TACC2: variants seen among roughly 807,000 people sequenced by gnomAD.
The protein encoded by TACC2 is transforming acidic coiled-coil-containing protein 2.
In TACC2, 137 loss-of-function variants were observed where a neutral mutation model predicts 227.3. That is an observed-to-expected ratio of 0.60 (90% CI 0.52 to 0.69). The LOEUF is 0.69. Ranked by LOEUF, TACC2 falls within the 30% of genes least tolerant of loss-of-function variation. The probability of loss-of-function intolerance (pLI) is 0.00; values close to 1 mark genes in which losing one functional copy is unlikely to be tolerated. For missense variants in TACC2, 3,470 were observed against 3,694.4 expected (o/e 0.94, Z 1.57); for synonymous variants, 1,523 against 1,487.5 (o/e 1.02, Z -0.55).
intron 11 of TACC2, among the ~76,000 whole-genome samples, chr10:122,218,872 A>G (rs1005346091): frequency 6.6e-6 from 1 of 151,922 alleles, no homozygotes; most frequent in East Asian, 1.9e-4. Context: ...AGTACAAAAA[A>G]TTATCTGGGC....
intron 1 of TACC2, chr10:121,994,565 TA>T: frequency 6.6e-6 from 1 of 152,258 alleles, no homozygotes; most frequent in Non-Finnish European, 1.5e-5. Flanking sequence ...TTCCCAACCT[TA>T]AGCCAATGCA....
chr10:122,075,044 C>T (rs1298258341), intron 3 of TACC2, among the ~76,000 whole-genome samples: 2 of 152,062 alleles, frequency 1.3e-5, no homozygotes, highest in African/African-American at 4.8e-5. Flanking sequence ...TTAATCGCAA[C>T]CCTTTCCACC....
chr10:122,163,814 C>G, intron 7 of TACC2: 1 of 1,439,408 alleles, frequency 6.9e-7, no homozygotes. Flanking sequence ...CTCCCCTCTG[C>G]AGTGCAGCAA....
At chr10:122,192,970 C>A (rs1285826479) in intron 7 of TACC2, among the ~76,000 whole-genome samples, 1 of 152,184 alleles carries the variant, frequency 6.6e-6, no homozygotes, top group Admixed American at 6.5e-5. Flanking sequence ...CTTTTGTTTT[C>A]CACACCGATA....
At chr10:122,237,591 T>A in intron 17 of TACC2, 53 bp downstream of exon 17, 1 of 1,574,150 alleles carries the variant, frequency 6.4e-7, no homozygotes, top group Non-Finnish European at 8.6e-7. Flanking sequence ...TAAATACGTA[T>A]GCTCGTGGTC....
chr10:122,023,437 G>A (rs912343707), intron 2 of TACC2: 1 of 152,178 alleles, frequency 6.6e-6, no homozygotes, highest in Admixed American at 6.5e-5. Context: ...TTAAAAGACT[G>A]GGTGTGACCA....
intron 7 of TACC2, among the ~76,000 whole-genome samples, chr10:122,170,312 C>T (rs1415680909): frequency 6.7e-6 from 1 of 148,384 alleles, no homozygotes; most frequent in African/African-American, 2.5e-5. Flanking sequence ...CTCTGCCCCC[C>T]AGGCTGGAGT....
At position 122,085,100 on chromosome 10, in the gene TACC2, A is replaced by G. The variant is rs761403994; in HGVS notation, c.2600A>G (p.Asp867Gly). Residue 867 changes from aspartate (D) to glycine (G), a missense_variant, in exon 4 of 23, where the codon GAC (aspartate) becomes GGC (glycine). By Grantham distance (94) the Asp-to-Gly change is moderately conservative. Transcript: ENST00000369005. Reference protein sequence around the residue: ...ETSPSHPGFKDQGADSSQIHV... With the variant: ...ETSPSHPGFKGQGADSSQIHV... Reference sequence around the variant, plus strand: ...TCTCCAAGCCATCCAGGTTTTAAGGACCAGGGAGCAGATTCTTCCCAAATC... The same window carrying G: ...TCTCCAAGCCATCCAGGTTTTAAGGGCCAGGGAGCAGATTCTTCCCAAATC... 7.4e-6 allele frequency: 12 copies of G among 1,614,184 alleles called. No individual in the cohort carries two copies. Among genetic ancestry groups the G allele is most frequent in the Non-Finnish European group, 1.0e-5 (12 of 1,180,044 alleles).
At position 122,086,286 on chromosome 10, in the gene TACC2, A is replaced by G. The variant is rs756129607; in HGVS notation, c.3786A>G (p.Arg1262=). 8 of 1,613,832 alleles carry G rather than the reference A, an allele frequency of 5.0e-6. No homozygotes were observed. In the African/African-American group the frequency reaches 1.1e-4, roughly 22 times the overall value. Residue 1262 remains arginine (R), a synonymous_variant, in exon 4 of 23, where the codon AGA becomes AGG. Transcript: ENST00000369005. The part of the protein sequence containing the change: ...GVKAVSSADP[R]APGESPCPVG... The stretch of plus-strand genomic sequence containing the variant: ...AAGCTGTTTCCTCTGCAGACCCCAG[A>G]GCTCCTGGCGAAAGCCCCTGTCCTG...
At chr10:122,207,295 TC>T (rs112189737) in intron 8 of TACC2, among the ~76,000 whole-genome samples, 1,933 of 140,172 alleles carry the variant, frequency 0.014, 35 homozygotes, top group African/African-American at 0.042. Context: ...TGGGACTATT[TC>T]AAAAAAAAAA....
rs775443867 is a variant in TACC2 at position 122,084,786 on chromosome 10, C to T, written c.2286C>T (p.Pro762=). Residue 762 remains proline, a synonymous_variant, in exon 4 of 23, where the codon CCC becomes CCT. Coordinates refer to ENST00000369005, the MANE Select transcript of TACC2 (RefSeq NM_206862.4). Reference sequence around the variant, plus strand: ...GCTTGCTGACGTCCCCAGATCAACCCCGCGGGCCGGCGTGTGATGCGTCGA... The same window carrying T: ...GCTTGCTGACGTCCCCAGATCAACCTCGCGGGCCGGCGTGTGATGCGTCGA... ...GEGLLTSPDQ[P]RGPACDASRQ... The T allele has an allele frequency of 5.0e-6, 8 of 1,613,612 alleles. No homozygotes were observed. The highest frequency in any genetic ancestry group is 6.8e-6 in the Non-Finnish European group (8 of 1,180,034).
intron 7 of TACC2, among the ~76,000 whole-genome samples, chr10:122,152,836 A>G (rs999403900): frequency 4.6e-5 from 7 of 152,138 alleles, no homozygotes; most frequent in Admixed American, 2.0e-4. Flanking sequence ...AAGGGTGGAG[A>G]GCAACATAAT....
intron 2 of TACC2, among the ~76,000 whole-genome samples, chr10:122,046,647 ACTTGG>A (rs1320768768): frequency 1.3e-5 from 2 of 152,004 alleles, no homozygotes; most frequent in African/African-American, 2.4e-5. Flanking sequence ...CTTCTCCTGG[ACTTGG>A]AGCAAAGATC....
intron 5 of TACC2, among the ~76,000 whole-genome samples, chr10:122,127,399 C>T (rs1369180127): frequency 6.6e-6 from 1 of 152,170 alleles, no homozygotes; most frequent in African/African-American, 2.4e-5. Context: ...GGAACCTGAA[C>T]GTCTTCCTTT....
rs757107024 is a variant in TACC2 at position 122,249,638 on chromosome 10, G to A, written c.8755G>A (p.Ala2919Thr). Residue 2919 changes from alanine to threonine, a missense_variant, in exon 22 of 23, where the codon GCC becomes ACC. By Grantham distance (58) the Ala-to-Thr change is moderately conservative. Transcript: ENST00000369005. ...SLRKEQLRVDALERTLEQKNK... is the reference protein window; with the variant it reads ...SLRKEQLRVDTLERTLEQKNK... Reference sequence around the variant, plus strand: ...GCGGAAGGAGCAGCTGCGAGTGGACGCCCTGGAAAGGACGCTGGAGCAGAA... The same window carrying A: ...GCGGAAGGAGCAGCTGCGAGTGGACACCCTGGAAAGGACGCTGGAGCAGAA... 2.5e-6 allele frequency: 4 copies of A among 1,613,616 alleles called. No homozygotes were observed. Among genetic ancestry groups the A allele is most frequent in the Non-Finnish European group, 2.5e-6 (3 of 1,179,882 alleles).
At chr10:122,233,878 G>A (rs1045405176) in intron 16 of TACC2, among the ~76,000 whole-genome samples, 12 of 152,174 alleles carry the variant, frequency 7.9e-5, no homozygotes, top group South Asian at 2.1e-4. Flanking sequence ...CATGATCACC[G>A]CTCCTGCTGG....
At position 122,004,175 on chromosome 10, in the gene TACC2, A is replaced by G. The variant is rs184676635; in HGVS notation, c.-46+14687A>G. ...CACTTTGGGAGGCCGAGGTGGGTGG[A>G]TCACCTAAGGTCAGGAGTTCAAGAT... On this transcript the variant is annotated intron_variant, in intron 1 of 22. Coordinates refer to ENST00000369005, the MANE Select transcript of TACC2 (RefSeq NM_206862.4). Among the ~76,000 whole-genome samples the G allele has an allele frequency of 7.2e-4, 110 of 152,120 alleles. No individual in the cohort carries two copies. In the East Asian group the frequency reaches 0.021, roughly 28 times the overall value.
chr10:122,057,838 A>C (rs2076368331), intron 3 of TACC2, among the ~76,000 whole-genome samples: 1 of 152,086 alleles, frequency 6.6e-6, no homozygotes, highest in South Asian at 2.1e-4. Flanking sequence ...AAAAAACAAA[A>C]ACAAAAACTG....
intron 1 of TACC2, among the ~76,000 whole-genome samples, chr10:122,002,377 T>C (rs1186759353): frequency 6.6e-6 from 1 of 152,182 alleles, no homozygotes; most frequent in East Asian, 1.9e-4. Context: ...TTTGCTAGTA[T>C]GTTTTTCAAT....
Sources: gnomAD v4.1 joint callset for allele counts (sites outside exome capture counted in the v4.1 genomes callset) on GRCh38, gnomAD v4.1.1 for gene constraint, MANE v1.5 for transcripts, NCBI Gene and HGNC (gene_info 2026-07-23, HGNC 2026-07-21) for gene names.